MED12L: variants seen among roughly 807,000 people sequenced by gnomAD.
MED12L encodes mediator complex subunit 12L.
Under a neutral mutation model 281.3 loss-of-function variants are expected in MED12L, and 60 were observed. The observed-to-expected ratio is 0.21, with a 90% CI of 0.17 to 0.26. The LOEUF (loss-of-function observed/expected upper bound fraction) is 0.26, where lower values mean the gene tolerates loss of function less well. Ranked by LOEUF, MED12L falls within the 10% of genes least tolerant of loss-of-function variation. MED12L has a pLI of 1.00. For missense variants in MED12L, 2,146 were observed against 2,680.9 expected (o/e 0.80, Z 4.41); for synonymous variants, 974 against 987.2 (o/e 0.99, Z 0.25).
chr3:151,389,250 C>T (rs1713860458), intron 37 of MED12L, among the ~76,000 whole-genome samples: 1 of 152,086 alleles, frequency 6.6e-6, no homozygotes, highest in Non-Finnish European at 1.5e-5. Context: ...GATGAAAAAG[C>T]CCTGAAACCA....
In MED12L at chr3:151,222,228, C is replaced by T. The variant is rs182010177; in HGVS notation, c.2250+28562C>T. On this transcript the variant is annotated intron_variant, in intron 16 of 44. Transcript: ENST00000687756. ...GCTTTAGATTTTACAGGCTCATAGG[C>T]GGAAGGGACTTGCCTTGTCTGGGAT... 3.8e-4 allele frequency among the ~76,000 whole-genome samples: 58 copies of T among 152,266 alleles called. No homozygotes were observed. In the East Asian group the frequency reaches 5.6e-3, roughly 15 times the overall value.
intron 5 of MED12L, among the ~76,000 whole-genome samples, chr3:151,134,257 G>A (rs951622918): frequency 6.6e-6 from 1 of 150,750 alleles, no homozygotes; most frequent in African/African-American, 2.4e-5. Context: ...TCTCTGCCAC[G>A]GTTCTTCTGT....
chr3:151,352,779 A>G (rs79799079), intron 17 of MED12L, among the ~76,000 whole-genome samples: 49 of 152,302 alleles, frequency 3.2e-4, no homozygotes, highest in East Asian at 1.9e-3. Context: ...TTGGTTGTCA[A>G]TGGTGTATCT....
At position 151,165,993 on chromosome 3, in the gene MED12L, T is replaced by C. The variant is rs1021448649; in HGVS notation, c.1494+11T>C. 15 of 1,589,854 alleles carry C rather than the reference T, an allele frequency of 9.4e-6. No individual in the cohort carries two copies. The highest frequency in any genetic ancestry group is 1.3e-5 in the Non-Finnish European group (15 of 1,170,338). ...AAAGATAACCAAGAGGTAGTTAATTTTTTTTTAATTCTTTTCACCTTTTAT... is the reference window on the plus strand; with the variant it reads ...AAAGATAACCAAGAGGTAGTTAATTCTTTTTTAATTCTTTTCACCTTTTAT... On this transcript the variant is annotated intron_variant, in intron 11 of 44. Coordinates refer to ENST00000687756, the MANE Select transcript of MED12L (RefSeq NM_001393769.1).
chr3:151,348,751 CAA>C (rs1193269849), intron 16 of MED12L, among the ~76,000 whole-genome samples: 2 of 152,158 alleles, frequency 1.3e-5, no homozygotes, highest in African/African-American at 4.8e-5. Flanking sequence ...CAGACCGACA[CAA>C]AGACTGAGAG....
rs1345302128 is a variant in MED12L, at chr3:151,185,197, G to A, written c.1495-133G>A. On this transcript the variant is annotated intron_variant, in intron 11 of 44. Transcript: ENST00000687756. ...TTTCAATTAAAAATGTTTTGGAAGC[G>A]CTTTCTAAAGCTACTATAATAAAAC... The A allele has an allele frequency of 3.5e-5, 26 of 751,278 alleles. No individual in the cohort carries two copies. The East Asian group carries it at 4.8e-4, about 14-fold the overall frequency. 46.5% of individuals were successfully genotyped at this position (751,278 alleles called of 1,614,324 possible). A position where few individuals can be genotyped will look rare whatever the true frequency, so the allele number is the denominator to read the frequency against.
At position 151,433,775 on chromosome 3, in the gene MED12L, T is replaced by C. The variant is rs1577646012; in HGVS notation, c.*971T>C. On this transcript the variant is annotated 3_prime_UTR_variant, in exon 45 of 45. Coordinates refer to ENST00000687756, the MANE Select transcript of MED12L (RefSeq NM_001393769.1). ...AGAAGGCTCTGGTTTTCATAAAAGG[T>C]GTATTTGCTGTTTATTTTGTATGGT... 6.5e-6 allele frequency: 1 copy of C among 152,770 alleles called. No homozygotes were observed. The allele number at this position is 152,770 out of a possible 1,614,324, so 9.5% of individuals were successfully genotyped here. A position where few individuals can be genotyped will look rare whatever the true frequency, so the allele number is the denominator to read the frequency against.
intron 16 of MED12L, among the ~76,000 whole-genome samples, chr3:151,236,610 G>A (rs1732871908): frequency 1.3e-5 from 2 of 152,154 alleles, no homozygotes; most frequent in Admixed American, 6.5e-5. Flanking sequence ...CCTGAGTCAT[G>A]TGTTCTTCAA....
chr3:151,168,129 A>G (rs1294376628), intron 11 of MED12L, among the ~76,000 whole-genome samples: 1 of 152,240 alleles, frequency 6.6e-6, no homozygotes, highest in Non-Finnish European at 1.5e-5. Context: ...ATTCAAGGGC[A>G]GAAATTATGT....
chr3:151,180,245 A>G (rs935185094), intron 11 of MED12L, among the ~76,000 whole-genome samples: 1 of 152,224 alleles, frequency 6.6e-6, no homozygotes, highest in Non-Finnish European at 1.5e-5. Flanking sequence ...AATTGGGACT[A>G]CAACTGCAGC....
At chr3:151,228,882 T>TGGGGCC (rs1731055657) in intron 16 of MED12L, among the ~76,000 whole-genome samples, 1 of 152,202 alleles carries the variant, frequency 6.6e-6, no homozygotes, top group African/African-American at 2.4e-5. Context: ...TCCTATTCCC[T>TGGGGCC]GGGGCCAGGC....
intron 2 of MED12L, among the ~76,000 whole-genome samples, chr3:151,112,093 C>T (rs1199893689): frequency 6.6e-6 from 1 of 152,024 alleles, no homozygotes; most frequent in East Asian, 1.9e-4. Context: ...TTGCGTCTTA[C>T]TATGTTGGGA....
intron 16 of MED12L, chr3:151,316,625 G>GTGTC (rs1417252918): frequency 7.2e-5 from 11 of 152,114 alleles, no homozygotes; most frequent in African/African-American, 2.7e-4. Context: ...ACCTCATACG[G>GTGTC]TGTCTTCAAG....
At chr3:151,235,250 A>G (rs1021234513) in intron 16 of MED12L, among the ~76,000 whole-genome samples, 7 of 152,184 alleles carry the variant, frequency 4.6e-5, no homozygotes, top group Non-Finnish European at 7.3e-5. Flanking sequence ...CAGTCTCATT[A>G]AATTGTGAAA....
chr3:151,249,212 T>G (rs1196495240), intron 16 of MED12L: 1 of 152,202 alleles, frequency 6.6e-6, no homozygotes, highest in Admixed American at 6.5e-5. Flanking sequence ...AAAGGGAGAC[T>G]GAGCAAGTGA....
intron 11 of MED12L, among the ~76,000 whole-genome samples, chr3:151,173,120 G>A (rs568950609): frequency 1.4e-4 from 21 of 150,712 alleles, no homozygotes; most frequent in African/African-American, 4.9e-4. Context: ...TTTAGACAAC[G>A]AGCCCTGTTT....
chr3:151,191,243 G>C (rs1018720758), intron 14 of MED12L, among the ~76,000 whole-genome samples: 3 of 151,914 alleles, frequency 2.0e-5, no homozygotes, highest in African/African-American at 7.3e-5. Flanking sequence ...CTTTAACATT[G>C]TGTCTCAAAA....
At chr3:151,295,197 C>G (rs745845124) in intron 16 of MED12L, 2 of 1,605,764 alleles carry the variant, frequency 1.2e-6, no homozygotes, top group Non-Finnish European at 1.7e-6. Flanking sequence ...CTCTCTTGGC[C>G]GTGCAGCTCG....
chr3:151,245,932 C>T (rs1228931332), intron 16 of MED12L, among the ~76,000 whole-genome samples: 1 of 151,352 alleles, frequency 6.6e-6, no homozygotes, highest in Non-Finnish European at 1.5e-5. Context: ...TCTCAGGATA[C>T]AAAATCAATG....
Sources: allele counts gnomAD v4.1 joint callset (sites outside exome capture counted in the v4.1 genomes callset), GRCh38; gene constraint gnomAD v4.1.1; transcripts MANE v1.5; gene names NCBI Gene and HGNC (gene_info 2026-07-23, HGNC 2026-07-21).